The following CSGALNACT1 variants were observed in gnomAD, a reference collection of about 807,000 sequenced individuals.
CSGALNACT1 encodes beta4GalNAcT-1.
In CSGALNACT1, 52 loss-of-function variants were observed where a neutral mutation model predicts 51.0. The ratio of observed to expected loss-of-function variants is 1.02; its 90% confidence interval spans 0.82 to 1.29. The LOEUF (loss-of-function observed/expected upper bound fraction) is 1.29, where lower values mean the gene tolerates loss of function less well. CSGALNACT1 is among the 50% of genes most tolerant of loss of function. The pLI is 0.00. For synonymous variants in CSGALNACT1, 341 were observed against 254.4 expected (o/e 1.34, Z -3.24); for missense variants, 935 against 679.2 (o/e 1.38, Z -4.19).
At chr8:19,428,528 G>A (rs779147917) in intron 6 of CSGALNACT1, among the ~76,000 whole-genome samples, 1 of 152,156 alleles carries the variant, frequency 6.6e-6, no homozygotes, top group African/African-American at 2.4e-5. Context: ...CCCACAACAC[G>A]TGGGAATTAC....
chr8:19,467,565 C>T (rs1413203835), intron 4 of CSGALNACT1, among the ~76,000 whole-genome samples: 2 of 151,918 alleles, frequency 1.3e-5, no homozygotes, highest in Non-Finnish European at 2.9e-5. Context: ...AAGTAGAAGC[C>T]TGGGTTCCTC....
chr8:19,738,176 A>C lies in CSGALNACT1; in HGVS notation c.-297+19674T>G, dbSNP rs552387639. Reference sequence around the variant, plus strand: ...CAAGAATTCGAGGCTGCAGTGAGCTATGATCACACTACTGTACTCCTGAGT... The same window carrying C: ...CAAGAATTCGAGGCTGCAGTGAGCTCTGATCACACTACTGTACTCCTGAGT... On this transcript the variant is annotated intron_variant, in intron 1 of 1. Transcript: ENST00000517494. Among the ~76,000 whole-genome samples the C allele has an allele frequency of 4.6e-5, 7 of 152,368 alleles. No homozygotes were observed. In the South Asian group the frequency reaches 1.2e-3, roughly 27 times the overall value.
At chr8:19,677,935 G>A (rs1432757151) in intron 1 of CSGALNACT1, among the ~76,000 whole-genome samples, 1 of 151,994 alleles carries the variant, frequency 6.6e-6, no homozygotes, top group Non-Finnish European at 1.5e-5. Flanking sequence ...GGCCAACATG[G>A]TGATTCCCCA....
At chr8:19,598,329 C>T (rs900718037) in intron 2 of CSGALNACT1, among the ~76,000 whole-genome samples, 1 of 152,086 alleles carries the variant, frequency 6.6e-6, no homozygotes, top group African/African-American at 2.4e-5. Context: ...AATGGTGGCC[C>T]AGGAGTATAA....
intron 1 of CSGALNACT1, among the ~76,000 whole-genome samples, chr8:19,712,961 G>C (rs890764380): frequency 6.6e-6 from 1 of 152,124 alleles, no homozygotes; most frequent in Admixed American, 6.5e-5. Flanking sequence ...AGGAAGCATG[G>C]TTACAATCTT....
chr8:19,660,816 C>T (rs1304255446), intron 1 of CSGALNACT1, among the ~76,000 whole-genome samples: 1 of 152,210 alleles, frequency 6.6e-6, no homozygotes, highest in Non-Finnish European at 1.5e-5. Flanking sequence ...ACTCTCTACA[C>T]ACAGGAAAAC....
chr8:19,707,479 T>C (rs1390518973), intron 1 of CSGALNACT1, among the ~76,000 whole-genome samples: 1 of 152,206 alleles, frequency 6.6e-6, no homozygotes, highest in East Asian at 1.9e-4. Flanking sequence ...GAGAAAATCA[T>C]TCTGGAGTAG....
At chr8:19,498,202 A>T (rs2075805784) in intron 4 of CSGALNACT1, among the ~76,000 whole-genome samples, 1 of 152,198 alleles carries the variant, frequency 6.6e-6, no homozygotes, top group Non-Finnish European at 1.5e-5. Context: ...GCAGGTTACC[A>T]GGTCTTTCAA....
intron 3 of CSGALNACT1, among the ~76,000 whole-genome samples, chr8:19,575,363 C>T (rs968600319): frequency 1.3e-5 from 2 of 152,218 alleles, no homozygotes; most frequent in African/African-American, 4.8e-5. Context: ...CCAGTATATA[C>T]AGCACCACCT....
rs866100705 is a variant in CSGALNACT1, at chr8:19,439,720, T to C, written c.953+110A>G. 33 of 838,580 alleles carry C rather than the reference T, an allele frequency of 3.9e-5. No individual in the cohort carries two copies. The African/African-American group carries it at 4.5e-4, about 12-fold the overall frequency. 51.9% of individuals were successfully genotyped at this position (838,580 alleles called of 1,614,324 possible). ...ACAGCCAGCAATCAATCCATCCCAG[T>C]TCACCCACAGTGTAAAGGAAAATAA... On this transcript the variant is annotated intron_variant, in intron 6 of 9. Coordinates refer to ENST00000454498, the Ensembl canonical transcript of CSGALNACT1.
chr8:19,700,572 T>C (rs753895848), intron 1 of CSGALNACT1, among the ~76,000 whole-genome samples: 34 of 152,166 alleles, frequency 2.2e-4, no homozygotes, highest in Non-Finnish European at 3.8e-4. Context: ...TGATCCATGG[T>C]GGTATCTATG....
chr8:19,630,069 G>C (rs1236579786), intron 1 of CSGALNACT1, among the ~76,000 whole-genome samples: 1 of 152,022 alleles, frequency 6.6e-6, no homozygotes, highest in East Asian at 1.9e-4. Flanking sequence ...GGAAAAACTG[G>C]GCAGGCCTCT....
At chr8:19,650,468 C>T (rs2057697314) in intron 1 of CSGALNACT1, among the ~76,000 whole-genome samples, 1 of 152,180 alleles carries the variant, frequency 6.6e-6, no homozygotes, top group Non-Finnish European at 1.5e-5. Flanking sequence ...TTATTTTATG[C>T]ATAAGTGAGC....
chr8:19,752,471 C>T (rs1313401640), intron 1 of CSGALNACT1, among the ~76,000 whole-genome samples: 1 of 152,116 alleles, frequency 6.6e-6, no homozygotes, highest in Non-Finnish European at 1.5e-5. Flanking sequence ...TAGCACGTTT[C>T]TAATATTTGA....
chr8:19,454,921 T>C (rs1217524753), intron 5 of CSGALNACT1, among the ~76,000 whole-genome samples: 1 of 152,262 alleles, frequency 6.6e-6, no homozygotes, highest in Non-Finnish European at 1.5e-5. Context: ...TCCTTTATTA[T>C]ACTTCCGGTT....
intron 5 of CSGALNACT1, 41 bp downstream of exon 4, chr8:19,458,385 A>T: frequency 6.8e-7 from 1 of 1,467,418 alleles, no homozygotes; most frequent in South Asian, 1.1e-5. Flanking sequence ...GTTCTAACAC[A>T]CATCATGCGG....
At chr8:19,674,168 C>G (rs1444806012) in intron 1 of CSGALNACT1, among the ~76,000 whole-genome samples, 1 of 152,198 alleles carries the variant, frequency 6.6e-6, no homozygotes, top group Non-Finnish European at 1.5e-5. Context: ...TGGCGGACAA[C>G]TGTAGTGACA....
chr8:19,574,827 G>T (rs2043800991), intron 3 of CSGALNACT1, among the ~76,000 whole-genome samples: 1 of 152,098 alleles, frequency 6.6e-6, no homozygotes, highest in Admixed American at 6.5e-5. Context: ...GTCTCCTGAG[G>T]AGATCAAGAC....
chr8:19,724,195 G>A (rs947230355), intron 1 of CSGALNACT1, among the ~76,000 whole-genome samples: 3 of 152,144 alleles, frequency 2.0e-5, no homozygotes, highest in Non-Finnish European at 4.4e-5. Flanking sequence ...CTCAAACCTG[G>A]CAGCCTAAAA....
Sources: allele counts gnomAD v4.1 joint callset (sites outside exome capture counted in the v4.1 genomes callset), GRCh38; gene constraint gnomAD v4.1.1; transcripts MANE v1.5; gene names NCBI Gene and HGNC (gene_info 2026-07-23, HGNC 2026-07-21).